ZEB2: variants seen among roughly 807,000 people sequenced by gnomAD.
ZEB2 encodes the protein zinc finger E-box binding homeobox 2, also known as zinc finger E-box-binding homeobox 2.
A neutral mutation model predicts 99.9 loss-of-function variants in ZEB2; 6 were observed. The observed-to-expected ratio is 0.06, with a 90% CI of 0.03 to 0.12. The LOEUF is 0.12. Ranked by LOEUF, ZEB2 falls within the 10% of genes least tolerant of loss-of-function variation. The pLI is 1.00. For synonymous variants in ZEB2, 517 were observed against 542.5 expected (o/e 0.95, Z 0.65); for missense variants, 969 against 1,502.8 (o/e 0.64, Z 5.87).
chr2:144,438,862 A>T (rs1174058126), intron 2 of ZEB2, among the ~76,000 whole-genome samples: 1 of 152,148 alleles, frequency 6.6e-6, no homozygotes, highest in East Asian at 1.9e-4. Flanking sequence ...CCTGACTAGG[A>T]CCCTGTTTTC....
At chr2:144,451,057 T>C (rs1163658080) in intron 2 of ZEB2, among the ~76,000 whole-genome samples, 3 of 152,062 alleles carry the variant, frequency 2.0e-5, no homozygotes, top group Admixed American at 1.3e-4. Flanking sequence ...TTTTAGAAAC[T>C]GAGAGTGGGG....
chr2:144,503,419 T>C (rs1437034313), intron 2 of ZEB2, among the ~76,000 whole-genome samples: 1 of 152,160 alleles, frequency 6.6e-6, no homozygotes. Flanking sequence ...GTCACACCAC[T>C]TTAGTTCAAC....
At position 144,399,234 on chromosome 2, in the gene ZEB2, T is replaced by C. The variant is rs779951735; in HGVS notation, c.1953A>G (p.Pro651=). 2.5e-6 allele frequency: 4 copies of C among 1,614,146 alleles called. No homozygotes were observed. Among genetic ancestry groups the C allele is most frequent in the Non-Finnish European group, 3.4e-6 (4 of 1,180,008 alleles). ...SEKGMTSPIN[P]YKDHMSVLKA... is the part of the protein sequence containing the mutation. Reference sequence around the variant, plus strand: ...TGAGTACAGACATGTGGTCCTTGTATGGGTTGATGGGGCTTGTCATTCCTT... The same window carrying C: ...TGAGTACAGACATGTGGTCCTTGTACGGGTTGATGGGGCTTGTCATTCCTT... The change falls in exon 8 of 10, where the codon CCA becomes CCG. Residue 651 remains proline (P), a synonymous_variant. Coordinates refer to ENST00000627532, the MANE Select transcript of ZEB2 (RefSeq NM_014795.4). This position sits in a 1 kb window ranked among gnomAD's most constrained non-coding sequence, Gnocchi z 5.6.
chr2:144,440,141 C>T (rs1190085984), intron 2 of ZEB2, among the ~76,000 whole-genome samples: 1 of 152,128 alleles, frequency 6.6e-6, no homozygotes, highest in African/African-American at 2.4e-5. Flanking sequence ...TATTTATTTA[C>T]ATGTTTGGGC....
At chr2:144,444,786 A>G (rs1703961483) in intron 2 of ZEB2, 1 of 152,254 alleles carries the variant, frequency 6.6e-6, no homozygotes, top group African/African-American at 2.4e-5. Context: ...ACAAACCAAC[A>G]GGGATTCCAA....
rs756124520 is a variant in ZEB2 at position 144,389,682 on chromosome 2, C to T, written c.3414G>A (p.Lys1138=). Residue 1138 remains lysine, a synonymous_variant, in exon 10 of 10, where the codon AAG becomes AAA. Transcript: ENST00000627532. This position sits in a 1 kb window ranked among gnomAD's most constrained non-coding sequence, Gnocchi z 6.8. ...CATCCTCGCCTTCTTTCTCGTGCTCCTTCTCGCTCTCGCCATCCCTCGGCA... is the reference window on the plus strand; with the variant it reads ...CATCCTCGCCTTCTTTCTCGTGCTCTTTCTCGCTCTCGCCATCCCTCGGCA... ...ESMPRDGESE[K]EHEKEGEDGY... is the part of the protein sequence containing the mutation. The T allele has an allele frequency of 6.2e-7, 1 of 1,614,118 alleles. No homozygotes were observed. Among genetic ancestry groups the T allele is most frequent in the Non-Finnish European group, 8.5e-7 (1 of 1,180,012 alleles).
chr2:144,493,469 G>T (rs1368273688), intron 2 of ZEB2, among the ~76,000 whole-genome samples: 2 of 152,214 alleles, frequency 1.3e-5, no homozygotes, highest in African/African-American at 2.4e-5. Context: ...AGAGTAAATG[G>T]CAGAATCAGA....
At chr2:144,477,974 A>G (rs1704453700) in intron 2 of ZEB2, among the ~76,000 whole-genome samples, 1 of 152,178 alleles carries the variant, frequency 6.6e-6, no homozygotes, top group Admixed American at 6.5e-5. Context: ...TCAGGCAGGA[A>G]CATTCTTAGG....
At chr2:144,516,470 T>C (rs1309881364) in intron 2 of ZEB2, 4 of 131,176 alleles carry the variant, frequency 3.0e-5, no homozygotes, top group Admixed American at 2.4e-4. Flanking sequence ...CTGATCTGCG[T>C]GTGCCCCTCG....
chr2:144,478,338 A>G (rs1170258514), intron 2 of ZEB2, among the ~76,000 whole-genome samples: 1 of 152,244 alleles, frequency 6.6e-6, no homozygotes, highest in Admixed American at 6.5e-5. Context: ...ACTAAAATGC[A>G]GTTCCGATTA....
chr2:144,494,222 A>G (rs1489361793), intron 2 of ZEB2: 1 of 151,796 alleles, frequency 6.6e-6, no homozygotes, highest in Non-Finnish European at 1.5e-5. Flanking sequence ...TCACACATGC[A>G]CAGACCCAAT....
intron 2 of ZEB2, chr2:144,464,257 A>G (rs1370019517): frequency 2.0e-5 from 3 of 152,190 alleles, no homozygotes; most frequent in Admixed American, 6.5e-5. Flanking sequence ...TTATATCCCA[A>G]ATTAATGGGA....
At chr2:144,409,882 CCT>C (rs1405152929) in intron 4 of ZEB2, among the ~76,000 whole-genome samples, 4 of 151,344 alleles carry the variant, frequency 2.6e-5, no homozygotes, top group Non-Finnish European at 5.9e-5. Flanking sequence ...AAGTGAGACC[CCT>C]GTCTCAAAAA....
At chr2:144,438,527 G>A (rs558333336) in intron 2 of ZEB2, among the ~76,000 whole-genome samples, 2 of 152,190 alleles carry the variant, frequency 1.3e-5, no homozygotes, top group South Asian at 2.1e-4. Context: ...TCTCCTGATC[G>A]CTGTGGCTTA....
chr2:144,472,279 A>C (rs1704368540), intron 2 of ZEB2, among the ~76,000 whole-genome samples: 1 of 152,062 alleles, frequency 6.6e-6, no homozygotes, highest in Non-Finnish European at 1.5e-5. Context: ...AAAGCATTTA[A>C]AGTCTTCATC....
At chr2:144,500,932 C>G in intron 2 of ZEB2, among the ~76,000 whole-genome samples, 1 of 152,246 alleles carries the variant, frequency 6.6e-6, no homozygotes, top group Non-Finnish European at 1.5e-5. Flanking sequence ...CCTATCTCAT[C>G]TCTACACTAT....
At chr2:144,457,311 A>T (rs916335593) in intron 2 of ZEB2, among the ~76,000 whole-genome samples, 1 of 152,112 alleles carries the variant, frequency 6.6e-6, no homozygotes, top group African/African-American at 2.4e-5. Flanking sequence ...GAATCTCAGA[A>T]ATTTTAACTG....
chr2:144,519,149 C>T (rs958050826), intron 1 of ZEB2, among the ~76,000 whole-genome samples: 1 of 152,152 alleles, frequency 6.6e-6, no homozygotes, highest in Non-Finnish European at 1.5e-5. Flanking sequence ...AAATCCATGT[C>T]TATATTACTT....
In ZEB2 at chr2:144,399,585, A is replaced by G. The variant is rs1287283337; in HGVS notation, c.1602T>C (p.Asn534=). The change falls in exon 8 of 10, where the codon AAT becomes AAC. Residue 534 remains asparagine, a synonymous_variant. Transcript: ENST00000627532. The surrounding 1 kb of genome is among the most constrained non-coding windows in gnomAD (Gnocchi z 5.6). The part of the protein sequence containing the change: ...SIIDYTLEKV[N]EAKACLQSLT... ...AGCTCTGGAGGCAAGCTTTGGCTTC[A>G]TTGACTTTTTCCAACGTATAGTCAA... is the stretch of plus-strand genomic sequence containing the variant. 6.2e-7 allele frequency: 1 copy of G among 1,614,034 alleles called. No homozygotes were observed. The highest frequency in any genetic ancestry group is 2.2e-5 in the East Asian group (1 of 44,896).
Sources: allele counts gnomAD v4.1 joint callset (sites outside exome capture counted in the v4.1 genomes callset), GRCh38; gene constraint gnomAD v4.1.1; non-coding constraint Gnocchi (gnomAD v3.1); transcripts MANE v1.5; gene names NCBI Gene and HGNC (gene_info 2026-07-23, HGNC 2026-07-21).